RIT2: variants seen among roughly 807,000 people sequenced by gnomAD.
The protein encoded by RIT2 is GTP-binding protein Rit2.
A neutral mutation model predicts 23.7 loss-of-function variants in RIT2; 24 were observed. That is an observed-to-expected ratio of 1.01 (90% CI 0.73 to 1.43). RIT2 has a LOEUF of 1.43. Ranked by LOEUF, RIT2 falls within the 40% of genes most tolerant of loss-of-function variation. RIT2 has a pLI of 0.00. For missense variants in RIT2, 236 were observed against 266.9 expected, an observed-to-expected ratio of 0.88 and a Z score of 0.81; for synonymous variants, 107 against 91.1, an observed-to-expected ratio of 1.17 and a Z score of -0.99.
intron 1 of RIT2, among the ~76,000 whole-genome samples, chr18:43,044,103 T>A (rs985355425): frequency 2.6e-5 from 4 of 152,114 alleles, no homozygotes; most frequent in African/African-American, 9.7e-5. Flanking sequence ...GATAGGATCT[T>A]TTTAAAGTCA....
chr18:42,775,797 A>T (rs2143923163), intron 4 of RIT2, among the ~76,000 whole-genome samples: 1 of 152,082 alleles, frequency 6.6e-6, no homozygotes, highest in East Asian at 1.9e-4. Context: ...CCATCTATGG[A>T]TTTCCTCTTT....
At chr18:42,747,272 A>G (rs570492299) in intron 4 of RIT2, among the ~76,000 whole-genome samples, 1 of 152,024 alleles carries the variant, frequency 6.6e-6, no homozygotes, top group Non-Finnish European at 1.5e-5. Context: ...TGATAATCAA[A>G]TCAATAAGAT....
intron 4 of RIT2, among the ~76,000 whole-genome samples, chr18:42,770,503 G>A (rs1345216719): frequency 6.6e-6 from 1 of 152,188 alleles, no homozygotes; most frequent in African/African-American, 2.4e-5. Context: ...TTCAGTCCAA[G>A]CTCTTGAAGA....
chr18:42,814,634 C>T (rs1905944307), intron 4 of RIT2, among the ~76,000 whole-genome samples: 1 of 152,138 alleles, frequency 6.6e-6, no homozygotes, highest in African/African-American at 2.4e-5. Context: ...CTCTACCCAC[C>T]ATGGTAACTG....
At chr18:43,015,085 G>A (rs1407361410) in intron 2 of RIT2, among the ~76,000 whole-genome samples, 1 of 151,652 alleles carries the variant, frequency 6.6e-6, no homozygotes, top group Non-Finnish European at 1.5e-5. Context: ...CATGGTTGTG[G>A]GTAGATAGTA....
At chr18:43,081,807 A>G (rs746873651) in intron 1 of RIT2, among the ~76,000 whole-genome samples, 2 of 152,128 alleles carry the variant, frequency 1.3e-5, no homozygotes, top group Non-Finnish European at 2.9e-5. Context: ...CTTCAATGTG[A>G]GTTTCAAAGC....
chr18:42,744,760 T>C lies in RIT2; in HGVS notation c.427-1040A>G, dbSNP rs1912878852. 2.6e-5 allele frequency among the ~76,000 whole-genome samples: 4 copies of C among 152,142 alleles called. No individual in the cohort carries two copies. The South Asian group carries it at 8.3e-4, about 32-fold the overall frequency. ...ATAAGTTGAAGAGATGGAGTTGTCA[T>C]AAAATTAAAAAATAATAATCTATCA... On this transcript the variant is annotated intron_variant, in intron 4 of 4. Coordinates refer to ENST00000326695, the MANE Select transcript of RIT2 (RefSeq NM_002930.4).
intron 3 of RIT2, among the ~76,000 whole-genome samples, chr18:42,952,827 G>A (rs956520761): frequency 5.9e-5 from 9 of 151,916 alleles, no homozygotes; most frequent in African/African-American, 1.9e-4. Context: ...TATTACTAGA[G>A]CTATCAGAGT....
At chr18:42,887,101 T>C (rs894224587) in intron 4 of RIT2, among the ~76,000 whole-genome samples, 59 of 152,152 alleles carry the variant, frequency 3.9e-4, no homozygotes, top group African/African-American at 1.4e-3. Context: ...CATTTTGAAA[T>C]GTGACTTTGG....
chr18:42,796,775 C>G (rs1217919832), intron 4 of RIT2, among the ~76,000 whole-genome samples: 1 of 152,114 alleles, frequency 6.6e-6, no homozygotes, highest in African/African-American at 2.4e-5. Flanking sequence ...TCTGGTTTTC[C>G]TTTGACAGGT....
At chr18:42,878,503 G>A (rs1172323692) in intron 4 of RIT2, among the ~76,000 whole-genome samples, 1 of 151,726 alleles carries the variant, frequency 6.6e-6, no homozygotes, top group Admixed American at 6.6e-5. Context: ...GAAAGAGATA[G>A]AAGAAAATTT....
In RIT2 at chr18:43,099,714, G is replaced by A. The variant is rs182592973; in HGVS notation, c.103+15703C>T. Among the ~76,000 whole-genome samples the A allele has an allele frequency of 2.6e-3, 396 of 152,160 alleles. 2 individuals carry two copies. Among genetic ancestry groups the A allele is most frequent in the African/African-American group, 9.1e-3 (380 of 41,548 alleles). On this transcript the variant is annotated intron_variant, in intron 1 of 4. Transcript: ENST00000326695. ...AGAGCCATGTATGCTCTCTTTTGCT[G>A]CATAACATTAAAATCACAATCTTGC...
At chr18:43,026,031 G>C (rs1598752246) in intron 2 of RIT2, among the ~76,000 whole-genome samples, 1 of 152,058 alleles carries the variant, frequency 6.6e-6, no homozygotes, top group Non-Finnish European at 1.5e-5. Flanking sequence ...AAGCTGCAAA[G>C]TGAGGCAAGA....
intron 4 of RIT2, among the ~76,000 whole-genome samples, chr18:42,820,054 A>G (rs1906105106): frequency 6.6e-6 from 1 of 152,158 alleles, no homozygotes; most frequent in Admixed American, 6.5e-5. Flanking sequence ...TGGATTCAAT[A>G]TAGTATTCAG....
chr18:42,771,312 A>G (rs8084670), intron 4 of RIT2, among the ~76,000 whole-genome samples: 38,375 of 151,940 alleles, frequency 0.25, 5,516 homozygotes, highest in East Asian at 0.45. Flanking sequence ...TTGCCTCTAT[A>G]ATGGTATTTA....
chr18:42,902,558 T>C (rs961497208), intron 4 of RIT2, among the ~76,000 whole-genome samples: 1 of 150,992 alleles, frequency 6.6e-6, no homozygotes, highest in Non-Finnish European at 1.5e-5. Context: ...TTTCAAAATT[T>C]TAAAAGATGC....
intron 4 of RIT2, among the ~76,000 whole-genome samples, chr18:42,834,029 A>G (rs930650193): frequency 6.6e-6 from 1 of 152,122 alleles, no homozygotes; most frequent in African/African-American, 2.4e-5. Context: ...TCTGTTTTAC[A>G]CAGAGGAGTT....
intron 4 of RIT2, among the ~76,000 whole-genome samples, chr18:42,787,226 G>A (rs1044218468): frequency 2.1e-5 from 3 of 145,054 alleles, no homozygotes; most frequent in African/African-American, 5.1e-5. Flanking sequence ...GAGAACATGC[G>A]GTGTTTGGTT....
chr18:42,761,722 G>T (rs1913308071), intron 4 of RIT2, among the ~76,000 whole-genome samples: 1 of 152,160 alleles, frequency 6.6e-6, no homozygotes, highest in South Asian at 2.1e-4. Context: ...CTGTTGCCCA[G>T]GCTGGAGTGC....
Sources: gnomAD v4.1 joint callset for allele counts (sites outside exome capture counted in the v4.1 genomes callset) on GRCh38, gnomAD v4.1.1 for gene constraint, MANE v1.5 for transcripts, NCBI Gene and HGNC (gene_info 2026-07-23, HGNC 2026-07-21) for gene names.